Variants in TOR1B observed in about 807,000 individuals in gnomAD.
The protein encoded by TOR1B is torsin family 1 member B, also known as torsin-1B.
Under a neutral mutation model 29.2 loss-of-function variants are expected in TOR1B, and 14 were observed. That is an observed-to-expected ratio of 0.48 (90% CI 0.32 to 0.75). The LOEUF (loss-of-function observed/expected upper bound fraction) is 0.75, where lower values mean the gene tolerates loss of function less well. TOR1B is among the 30% of genes least tolerant of loss of function. The pLI is 0.04. For missense variants in TOR1B, 400 were observed against 433.9 expected (o/e 0.92, Z 0.69); for synonymous variants, 166 against 179.8 (o/e 0.92, Z 0.62).
Position 129,803,373 on chromosome 9 carries a change from C to T in TOR1B, c.161C>T (p.Ala54Val), listed in dbSNP as rs761527185. 2 of 1,561,020 alleles carry T rather than the reference C, an allele frequency of 1.3e-6. No homozygotes were observed. The highest frequency in any genetic ancestry group is 2.8e-5 in the African/African-American group (2 of 70,660). ...TACAATGACATCTACTGCCGCTTCGCCGAGTGCTGCCGCGAGGAGCGGCCG... is the reference window on the plus strand; with the variant it reads ...TACAATGACATCTACTGCCGCTTCGTCGAGTGCTGCCGCGAGGAGCGGCCG... ...LSYNDIYCRF[A>V]ECCREERPLN... is the part of the protein sequence containing the mutation. The change falls in exon 1 of 5, where the codon GCC (alanine) becomes GTC (valine). Residue 54 changes from alanine (A) to valine (V), a missense_variant. Ala to Val is a moderately conservative substitution (Grantham distance 64). Transcript: ENST00000259339.
In TOR1B at chr9:129,803,260, G is replaced by C; in HGVS notation, c.48G>C (p.Leu16=). 8.3e-6 allele frequency: 13 copies of C among 1,558,204 alleles called. No individual in the cohort carries two copies. Among genetic ancestry groups the C allele is most frequent in the Non-Finnish European group, 1.1e-5 (13 of 1,158,304 alleles). Residue 16 remains leucine (L), a synonymous_variant, in exon 1 of 5, where the codon CTG becomes CTC. Transcript: ENST00000259339. ...WLRGAAALAL[L]LAARVVAAFE... ...GGGGCGCGGCGGCGCTGGCGCTGCT[G>C]CTGGCGGCCCGAGTGGTGGCGGCGT...
intron 3 of TOR1B, 114 bp downstream of exon 3, chr9:129,807,477 A>C (rs1408473550): frequency 8.0e-7 from 1 of 1,254,538 alleles, no homozygotes; most frequent in Non-Finnish European, 1.1e-6. Context: ...CCTGCTTGGC[A>C]CAAGGCACTT....
At position 129,803,315 on chromosome 9, in the gene TOR1B, G is replaced by A; in HGVS notation, c.103G>A (p.Gly35Arg). 2 of 1,590,574 alleles carry A rather than the reference G, an allele frequency of 1.3e-6. No individual in the cohort carries two copies. The highest frequency in any genetic ancestry group is 1.7e-6 in the Non-Finnish European group (2 of 1,172,160). Residue 35 changes from glycine to arginine, a missense_variant, in exon 1 of 5, where the codon GGG becomes AGG. Transcript: ENST00000259339. Reference sequence around the variant, plus strand: ...GCCCATCACCGTGGGCCTAGCCATCGGGGCCGCGTCGGCCATCACCGGCTA... The same window carrying A: ...GCCCATCACCGTGGGCCTAGCCATCAGGGCCGCGTCGGCCATCACCGGCTA... Reference protein sequence around the residue: ...FEPITVGLAIGAASAITGYLS... With the variant: ...FEPITVGLAIRAASAITGYLS...
In TOR1B at chr9:129,809,708, G is replaced by C; in HGVS notation, c.*125G>C. 6.7e-7 allele frequency: 1 copy of C among 1,487,088 alleles called. No homozygotes were observed. The highest frequency in any genetic ancestry group is 8.9e-7 in the Non-Finnish European group (1 of 1,127,778). The allele number at this position is 1,487,088 out of a possible 1,614,324, so 92.1% of individuals were successfully genotyped here. A position where few individuals can be genotyped will look rare whatever the true frequency, so the allele number is the denominator to read the frequency against. On this transcript the variant is annotated 3_prime_UTR_variant, in exon 5 of 5. Transcript: ENST00000259339. The stretch of plus-strand genomic sequence containing the variant: ...TTTGCACCTTAGACTTTTGGGTATA[G>C]AATCTTTTTTTTGAGAAGAGGTCTC...
chr9:129,810,355 G>GT lies in TOR1B; in HGVS notation c.*772_*773insT, dbSNP rs1394666661. On this transcript the variant is annotated 3_prime_UTR_variant, in exon 5 of 5. Coordinates refer to ENST00000259339, the MANE Select transcript of TOR1B (RefSeq NM_014506.3). ...CTGACCTGTGTGTGTGTGTGTGGGG[G>GT]GGTGGGGCCTTCACCTAAGACCTCT... 1.8e-5 allele frequency: 19 copies of GT among 1,058,070 alleles called. No homozygotes were observed. Among genetic ancestry groups the GT allele is most frequent in the Non-Finnish European group, 2.3e-5 (18 of 794,702 alleles). The allele number at this position is 1,058,070 out of a possible 1,614,324, so 65.5% of individuals were successfully genotyped here. A position where few individuals can be genotyped will look rare whatever the true frequency, so the allele number is the denominator to read the frequency against.
At chr9:129,809,205 G>A (rs1160091334) in intron 4 of TOR1B, 137 bp from the exon 5 acceptor site, 28 of 1,530,396 alleles carry the variant, frequency 1.8e-5, no homozygotes, top group Non-Finnish European at 2.3e-5. Context: ...GTCCAGCTGA[G>A]TCCTGCATGG....
At chr9:129,806,119 TCA>T (rs1491328553) in intron 2 of TOR1B, among the ~76,000 whole-genome samples, 3 of 109,110 alleles carry the variant, frequency 2.7e-5, no homozygotes, top group Non-Finnish European at 1.9e-5. Context: ...AGACTCTATC[TCA>T]AAAAAAAAAA....
Position 129,809,901 on chromosome 9 carries a change from A to G in TOR1B, c.*318A>G. 8.0e-7 allele frequency: 1 copy of G among 1,245,022 alleles called. No homozygotes were observed. Among genetic ancestry groups the G allele is most frequent in the East Asian group, 4.5e-5 (1 of 22,120 alleles). The allele number at this position is 1,245,022 out of a possible 1,614,324, so 77.1% of individuals were successfully genotyped here. ...AATCTAAGAGTTGATTGTGGAAAACACGTGAATCTATTGCGCGCATTTGTC... is the reference window on the plus strand; with the variant it reads ...AATCTAAGAGTTGATTGTGGAAAACGCGTGAATCTATTGCGCGCATTTGTC... On this transcript the variant is annotated 3_prime_UTR_variant, in exon 5 of 5. Coordinates refer to ENST00000259339, the MANE Select transcript of TOR1B (RefSeq NM_014506.3).
chr9:129,809,251 G>A, intron 4 of TOR1B, 91 bp from the exon 5 acceptor site: 2 of 1,586,720 alleles, frequency 1.3e-6, no homozygotes, highest in Non-Finnish European at 8.6e-7. Flanking sequence ...CTCTCAAGGG[G>A]TACGGACATG....
Position 129,809,501 on chromosome 9 carries a change from A to G in TOR1B, c.929A>G (p.Glu310Gly), listed in dbSNP as rs1256338729. 6 of 1,614,120 alleles carry G rather than the reference A, an allele frequency of 3.7e-6. No homozygotes were observed. The highest frequency in any genetic ancestry group is 5.1e-6 in the Non-Finnish European group (6 of 1,180,016). Residue 310 changes from glutamate (E) to glycine (G), a missense_variant, in exon 5 of 5, where the codon GAA becomes GGA. By Grantham distance (98) the Glu-to-Gly change is moderately conservative. Transcript: ENST00000259339. ...GACATTGTCACAAGAGTGGCAGAGGAAATGACGTTTTTCCCCAGAGACGAG... is the reference window on the plus strand; with the variant it reads ...GACATTGTCACAAGAGTGGCAGAGGGAATGACGTTTTTCCCCAGAGACGAG... ...DEDIVTRVAE[E>G]MTFFPRDEKI...
chr9:129,806,969 A>G (rs1216383237), intron 2 of TOR1B, among the ~76,000 whole-genome samples: 1 of 152,228 alleles, frequency 6.6e-6, no homozygotes, highest in Admixed American at 6.5e-5. Context: ...CATTTGAGTT[A>G]GGAAAAAACT....
chr9:129,808,162 ACT>A (rs1491329761), intron 3 of TOR1B, among the ~76,000 whole-genome samples: 1 of 152,162 alleles, frequency 6.6e-6, no homozygotes, highest in African/African-American at 2.4e-5. Flanking sequence ...ATGAGAGCAC[ACT>A]TTTTTGTCTA....
chr9:129,809,199 A>G, intron 4 of TOR1B, 143 bp from the exon 5 acceptor site: 1 of 1,522,542 alleles, frequency 6.6e-7, no homozygotes. Context: ...GTGAGTGTCC[A>G]GCTGAGTCCT....
chr9:129,804,640 C>T (rs1229783550), intron 2 of TOR1B, among the ~76,000 whole-genome samples: 2 of 150,504 alleles, frequency 1.3e-5, no homozygotes, highest in East Asian at 3.9e-4. Context: ...GCGGGCGGAT[C>T]ATTTGAGGCC....
At chr9:129,804,027 A>G in intron 1 of TOR1B, 46 bp from the exon 2 acceptor site, 1 of 1,606,060 alleles carries the variant, frequency 6.2e-7, no homozygotes, top group Non-Finnish European at 8.5e-7. Flanking sequence ...TTGCTGATGC[A>G]TTTTTAAGGT....
At position 129,807,348 on chromosome 9, in the gene TOR1B, T is replaced by C; in HGVS notation, c.626T>C (p.Ile209Thr). 6.2e-7 allele frequency: 1 copy of C among 1,614,058 alleles called. No homozygotes were observed. Among genetic ancestry groups the C allele is most frequent in the Non-Finnish European group, 8.5e-7 (1 of 1,179,972 alleles). ...QVDGVSYRKAIFIFLSNAGGD... is the reference protein window; with the variant it reads ...QVDGVSYRKATFIFLSNAGGD... ...GACGGAGTGTCTTACCGCAAAGCCATCTTCATCTTTCTCAGGTCAGCGGGA... is the reference window on the plus strand; with the variant it reads ...GACGGAGTGTCTTACCGCAAAGCCACCTTCATCTTTCTCAGGTCAGCGGGA... Residue 209 changes from isoleucine (I) to threonine (T), a missense_variant, in exon 3 of 5, where the codon ATC becomes ACC. By Grantham distance (89) the Ile-to-Thr change is moderately conservative. Coordinates refer to ENST00000259339, the MANE Select transcript of TOR1B (RefSeq NM_014506.3).
intron 3 of TOR1B, among the ~76,000 whole-genome samples, chr9:129,808,363 G>A (rs1053379809): frequency 6.6e-6 from 1 of 151,766 alleles, no homozygotes; most frequent in African/African-American, 2.4e-5. Context: ...AAGGGGCGTC[G>A]TGGCAGGCGC....
chr9:129,806,604 G>A (rs965085620), intron 2 of TOR1B, among the ~76,000 whole-genome samples: 1 of 152,070 alleles, frequency 6.6e-6, no homozygotes, highest in Non-Finnish European at 1.5e-5. Context: ...GGATCTTGCC[G>A]GGTGGCTCAT....
At chr9:129,806,466 G>A (rs2030488705) in intron 2 of TOR1B, among the ~76,000 whole-genome samples, 2 of 152,250 alleles carry the variant, frequency 1.3e-5, no homozygotes, top group African/African-American at 4.8e-5. Context: ...CTGTTGGTCT[G>A]GGGCACTGTG....
Sources: gnomAD v4.1 joint callset for allele counts (sites outside exome capture counted in the v4.1 genomes callset) on GRCh38, gnomAD v4.1.1 for gene constraint, MANE v1.5 for transcripts, NCBI Gene and HGNC (gene_info 2026-07-23, HGNC 2026-07-21) for gene names.